Variants in TTYH2 observed in about 807,000 individuals in gnomAD.
The protein encoded by TTYH2 is protein tweety homolog 2.
A neutral mutation model predicts 68.3 loss-of-function variants in TTYH2; 49 were observed. The ratio of observed to expected loss-of-function variants is 0.72; its 90% CI spans 0.57 to 0.91. The LOEUF is 0.91. TTYH2 is among the 40% of genes least tolerant of loss of function. TTYH2 has a pLI of 0.00. For missense variants in TTYH2, 631 were observed against 700.4 expected, an observed-to-expected ratio of 0.90 and a Z score of 1.12; for synonymous variants, 272 against 300.8, an observed-to-expected ratio of 0.90 and a Z score of 0.99.
intron 13 of TTYH2, among the ~76,000 whole-genome samples, chr17:74,255,178 CT>C (rs1265815409): frequency 2.6e-5 from 4 of 152,254 alleles, no homozygotes; most frequent in African/African-American, 9.6e-5. Flanking sequence ...TGCCAAAGGC[CT>C]GGGTTCAAAT....
chr17:74,239,314 G>C lies in TTYH2; in HGVS notation c.635+1800G>C, dbSNP rs2050476162. Among the ~76,000 whole-genome samples the C allele has an allele frequency of 6.6e-6, 1 of 152,244 alleles. No individual in the cohort carries two copies. The highest frequency in any genetic ancestry group is 2.4e-5 in the African/African-American group (1 of 41,474). On this transcript the variant is annotated intron_variant, in intron 4 of 13. Coordinates refer to ENST00000269346, the MANE Select transcript of TTYH2 (RefSeq NM_032646.6). The surrounding 1 kb of genome is among the most constrained non-coding windows in gnomAD (Gnocchi z 5.3). ...TGATGGCCTGGGCTTGTGCTCCCAGGGCCCGGGCCTAGCATGGAGGAGGCA... is the reference window on the plus strand; with the variant it reads ...TGATGGCCTGGGCTTGTGCTCCCAGCGCCCGGGCCTAGCATGGAGGAGGCA...
chr17:74,231,376 G>A (rs1014570009), intron 3 of TTYH2, among the ~76,000 whole-genome samples: 2 of 152,152 alleles, frequency 1.3e-5, no homozygotes, highest in Admixed American at 6.6e-5. Flanking sequence ...TCCAGGAGAT[G>A]CCAAGAGGAA....
chr17:74,229,517 C>T (rs1437415799), intron 2 of TTYH2, among the ~76,000 whole-genome samples: 3 of 152,122 alleles, frequency 2.0e-5, no homozygotes, highest in Admixed American at 6.6e-5. Flanking sequence ...ACCTACTCAC[C>T]GCAGCCCCCA....
intron 2 of TTYH2, among the ~76,000 whole-genome samples, chr17:74,225,324 G>T (rs573969928): frequency 2.2e-4 from 34 of 152,216 alleles, no homozygotes; most frequent in South Asian, 6.2e-4. Flanking sequence ...CAGTGGGATG[G>T]GGAAAGTGTC....
intron 1 of TTYH2, among the ~76,000 whole-genome samples, chr17:74,221,689 C>T (rs2050277002): frequency 6.6e-6 from 1 of 152,172 alleles, no homozygotes; most frequent in South Asian, 2.1e-4. Context: ...CAGACTGGCT[C>T]CCATTGCAGG....
intron 3 of TTYH2, among the ~76,000 whole-genome samples, chr17:74,231,214 T>G (rs1598218961): frequency 6.6e-6 from 1 of 151,744 alleles, no homozygotes. Flanking sequence ...GGGATGGGGG[T>G]GAGGACTAAA....
intron 8 of TTYH2, 136 bp downstream of exon 8, chr17:74,249,535 T>A: frequency 1.1e-6 from 1 of 928,938 alleles, no homozygotes; most frequent in Non-Finnish European, 1.7e-6. Context: ...GCTGCTTCTG[T>A]GAGGGGGGCG....
rs554326163 is a variant in TTYH2, at chr17:74,257,145, T to C, written c.1525-2984T>C. Among the ~76,000 whole-genome samples the C allele has an allele frequency of 2.4e-3, 369 of 152,340 alleles. 1 individual carries two copies. The highest frequency in any genetic ancestry group is 8.5e-3 in the African/African-American group (354 of 41,586). ...TATGCACTGTGATGCCAAATAAAAATGATTTTCAGATTCCCTTCTGTTTGA... is the reference window on the plus strand; with the variant it reads ...TATGCACTGTGATGCCAAATAAAAACGATTTTCAGATTCCCTTCTGTTTGA... On this transcript the variant is annotated intron_variant, in intron 13 of 13. Transcript: ENST00000269346.
In TTYH2 at chr17:74,249,143, T is replaced by A. The variant is rs2050592059; in HGVS notation, c.874+63T>A. 1.7e-5 allele frequency: 28 copies of A among 1,608,116 alleles called. No homozygotes were observed. The South Asian group carries it at 3.0e-4, about 17-fold the overall frequency. ...AGGTGGCCGGACTCTGTGCCCCTACTTACCTCTTTCAGCCCTGTAGCCATC... is the reference window on the plus strand; with the variant it reads ...AGGTGGCCGGACTCTGTGCCCCTACATACCTCTTTCAGCCCTGTAGCCATC... On this transcript the variant is annotated intron_variant, in intron 7 of 13. Coordinates refer to ENST00000269346, the MANE Select transcript of TTYH2 (RefSeq NM_032646.6).
chr17:74,221,967 T>G (rs1019496740), intron 1 of TTYH2, among the ~76,000 whole-genome samples: 1 of 152,158 alleles, frequency 6.6e-6, no homozygotes, highest in Admixed American at 6.5e-5. Flanking sequence ...GCGGGGTCCT[T>G]GCATGGAAGA....
intron 13 of TTYH2, among the ~76,000 whole-genome samples, chr17:74,255,544 C>T (rs2050685303): frequency 6.6e-6 from 1 of 152,068 alleles, no homozygotes; most frequent in Admixed American, 6.5e-5. Context: ...CTCCACCTCC[C>T]AGGTTCAAGT....
chr17:74,255,006 A>G (rs1354455021), intron 13 of TTYH2, among the ~76,000 whole-genome samples: 1 of 152,194 alleles, frequency 6.6e-6, no homozygotes, highest in Non-Finnish European at 1.5e-5. Context: ...TACCTGAGAT[A>G]CAGCCTCAGG....
Position 74,239,145 on chromosome 17 carries a change from C to A in TTYH2, c.635+1631C>A, listed in dbSNP as rs937860452. Among the ~76,000 whole-genome samples the A allele has an allele frequency of 3.3e-5, 5 of 152,186 alleles. No homozygotes were observed. The highest frequency in any genetic ancestry group is 1.2e-4 in the African/African-American group (5 of 41,450). The stretch of plus-strand genomic sequence containing the variant: ...TCCCCTGCCTCCCCATTTGCCAAAT[C>A]CCAGCCTAGCCAGAGGCACTGGACA... On this transcript the variant is annotated intron_variant, in intron 4 of 13. Transcript: ENST00000269346. The surrounding 1 kb of genome is among the most constrained non-coding windows in gnomAD (Gnocchi z 5.3).
Position 74,213,897 on chromosome 17 carries a change from C to G in TTYH2, c.129+181C>G, listed in dbSNP as rs1209808391. On this transcript the variant is annotated intron_variant, in intron 1 of 13. Transcript: ENST00000269346. The surrounding 1 kb of genome is among the most constrained non-coding windows in gnomAD (Gnocchi z 6.1). ...CCTCCCAGGCCCGTGGCCCGCGTCC[C>G]CTCCTGTCTGGGAACCTGGGGGCCG... Among the ~76,000 whole-genome samples the G allele has an allele frequency of 6.6e-6, 1 of 152,130 alleles. No homozygotes were observed. The highest frequency in any genetic ancestry group is 1.5e-5 in the Non-Finnish European group (1 of 68,030).
Position 74,253,228 on chromosome 17 carries a change from G to C in TTYH2, c.1407G>C (p.Pro469=), listed in dbSNP as rs758764721. 6.2e-7 allele frequency: 1 copy of C among 1,609,432 alleles called. No individual in the cohort carries two copies. The highest frequency in any genetic ancestry group is 8.5e-7 in the Non-Finnish European group (1 of 1,178,498). The change falls in exon 12 of 14, where the codon CCG becomes CCC. Residue 469 remains proline (P), a synonymous_variant. Transcript: ENST00000269346. ...GAAGTCAGACCAGCCTGCAGCCCCC[G>C]GCCCAGACCATCTCCAACGCCCCTG... ...GLGSQTSLQP[P]AQTISNAPVS... is the part of the protein sequence containing the mutation.
intron 10 of TTYH2, 139 bp from the exon 11 acceptor site, chr17:74,252,095 G>A (rs1242211939): frequency 1.9e-6 from 2 of 1,077,172 alleles, no homozygotes; most frequent in Admixed American, 4.1e-5. Flanking sequence ...CTTTAATGGT[G>A]CTGCAAGGCG....
intron 6 of TTYH2, among the ~76,000 whole-genome samples, chr17:74,244,815 C>G (rs1427607723): frequency 6.6e-6 from 1 of 151,904 alleles, no homozygotes; most frequent in Non-Finnish European, 1.5e-5. Flanking sequence ...GACTCATAGG[C>G]AGATCACTGC....
chr17:74,244,901 T>C (rs1232808102), intron 6 of TTYH2, among the ~76,000 whole-genome samples: 2 of 152,052 alleles, frequency 1.3e-5, no homozygotes. Context: ...TGTGTGTTCA[T>C]GCACATGCAC....
Position 74,237,431 on chromosome 17 carries a change from G to A in TTYH2, c.552G>A (p.Gln184=). 3 of 1,614,132 alleles carry A rather than the reference G, an allele frequency of 1.9e-6. No homozygotes were observed. Among genetic ancestry groups the A allele is most frequent in the Non-Finnish European group, 2.5e-6 (3 of 1,180,030 alleles). ...IQQMAGSVVV[Q]LSGLPVWREV... ...AGATGGCGGGCAGCGTTGTTGTTCA[G>A]CTCTCAGGACTGCCCGTGTGGAGGG... Residue 184 remains glutamine, a synonymous_variant, in exon 4 of 14, where the codon CAG becomes CAA. Coordinates refer to ENST00000269346, the MANE Select transcript of TTYH2 (RefSeq NM_032646.6).
Sources: gnomAD v4.1 joint callset for allele counts (sites outside exome capture counted in the v4.1 genomes callset) on GRCh38, gnomAD v4.1.1 for gene constraint, Gnocchi (gnomAD v3.1) non-coding constraint, MANE v1.5 for transcripts, NCBI Gene and HGNC (gene_info 2026-07-23, HGNC 2026-07-21) for gene names.